ERBB4: variants seen among roughly 807,000 people sequenced by gnomAD.
ERBB4 encodes receptor tyrosine-protein kinase erbB-4.
In ERBB4, 42 loss-of-function variants were observed where a neutral mutation model predicts 158.0. The ratio of observed to expected loss-of-function variants is 0.27; its 90% CI spans 0.21 to 0.34. The LOEUF (loss-of-function observed/expected upper bound fraction) is 0.34. ERBB4 is among the 10% of genes least tolerant of loss of function. ERBB4 has a pLI of 1.00. For synonymous variants in ERBB4, 583 were observed against 558.7 expected (o/e 1.04, Z -0.61); for missense variants, 1,333 against 1,624.1 (o/e 0.82, Z 3.08).
intron 12 of ERBB4, among the ~76,000 whole-genome samples, chr2:211,689,338 G>A (rs1351089541): frequency 1.3e-5 from 2 of 152,204 alleles, no homozygotes; most frequent in Middle Eastern, 3.4e-3. Flanking sequence ...TGGACTAAAG[G>A]TATGCACCAT....
chr2:212,080,695 C>A (rs58055384), intron 2 of ERBB4, among the ~76,000 whole-genome samples: 18,312 of 139,862 alleles, frequency 0.13, 1,433 homozygotes, highest in African/African-American at 0.22. Flanking sequence ...AAAAAAAAAA[C>A]CTCTTTATAT....
chr2:211,635,943 G>T (rs923934441), intron 16 of ERBB4, among the ~76,000 whole-genome samples: 2 of 151,858 alleles, frequency 1.3e-5, no homozygotes, highest in African/African-American at 4.8e-5. Context: ...TGGTATACTT[G>T]CAATTCATAG....
chr2:211,889,208 C>T (rs565735507), intron 3 of ERBB4, among the ~76,000 whole-genome samples: 1 of 144,338 alleles, frequency 6.9e-6, no homozygotes, highest in Admixed American at 6.7e-5. Context: ...ATCTGAGAAC[C>T]CGCAGACTGC....
chr2:211,725,707 T>C (rs973346900), intron 5 of ERBB4, among the ~76,000 whole-genome samples: 1 of 152,146 alleles, frequency 6.6e-6, no homozygotes, highest in Non-Finnish European at 1.5e-5. Flanking sequence ...ACAATGTGCA[T>C]AGTAAGGTCC....
chr2:211,416,878 C>CAAAATGTAACTG (rs2125394866), intron 25 of ERBB4, among the ~76,000 whole-genome samples: 1 of 151,286 alleles, frequency 6.6e-6, no homozygotes, highest in East Asian at 2.0e-4. Context: ...AAGTCTCTGC[C>CAAAATGTAACTG]AAAATGTAAC....
chr2:211,932,493 T>C (rs1263154454), intron 3 of ERBB4, among the ~76,000 whole-genome samples: 1 of 152,020 alleles, frequency 6.6e-6, no homozygotes, highest in African/African-American at 2.4e-5. Flanking sequence ...CAAAGGACAT[T>C]CCCTATTTCA....
At chr2:212,153,720 C>T (rs529346208) in intron 1 of ERBB4, among the ~76,000 whole-genome samples, 17 of 152,244 alleles carry the variant, frequency 1.1e-4, no homozygotes, top group African/African-American at 3.9e-4. Context: ...TATGCTACAA[C>T]CATGTGACAC....
intron 3 of ERBB4, among the ~76,000 whole-genome samples, chr2:211,884,715 C>T (rs2078749729): frequency 6.6e-6 from 1 of 152,114 alleles, no homozygotes; most frequent in Non-Finnish European, 1.5e-5. Flanking sequence ...CCCCATCTGT[C>T]CAATTTCATC....
At chr2:212,156,463 C>G (rs1180566738) in intron 1 of ERBB4, among the ~76,000 whole-genome samples, 1 of 152,090 alleles carries the variant, frequency 6.6e-6, no homozygotes. Context: ...TCAGTCAGCA[C>G]AGACATCAAA....
At chr2:212,370,141 G>C (rs1055085291) in intron 1 of ERBB4, among the ~76,000 whole-genome samples, 2 of 151,990 alleles carry the variant, frequency 1.3e-5, no homozygotes, top group African/African-American at 4.8e-5. Context: ...GAATCATGGG[G>C]GTGGTTTCCT....
chr2:212,486,233 A>G (rs908021990), intron 1 of ERBB4, among the ~76,000 whole-genome samples: 7 of 152,178 alleles, frequency 4.6e-5, no homozygotes, highest in Non-Finnish European at 7.3e-5. Context: ...CTGGGGGTGT[A>G]TAACTTGGTA....
chr2:212,296,469 C>T (rs1204956980), intron 1 of ERBB4, among the ~76,000 whole-genome samples: 1 of 151,774 alleles, frequency 6.6e-6, no homozygotes. Flanking sequence ...ATGTAAAGAA[C>T]TATTTCAAGG....
intron 1 of ERBB4, among the ~76,000 whole-genome samples, chr2:212,193,554 C>T (rs749413875): frequency 6.6e-6 from 1 of 151,644 alleles, no homozygotes; most frequent in Non-Finnish European, 1.5e-5. Context: ...TTTACTAGTA[C>T]ATTAAACCAA....
intron 19 of ERBB4, among the ~76,000 whole-genome samples, chr2:211,570,511 T>C (rs1434894950): frequency 7.5e-6 from 1 of 132,506 alleles, no homozygotes; most frequent in African/African-American, 2.7e-5. Context: ...ACACTTACTA[T>C]GGCTTCTATC....
At chr2:212,210,463 C>A (rs1317925650) in intron 1 of ERBB4, among the ~76,000 whole-genome samples, 2 of 152,210 alleles carry the variant, frequency 1.3e-5, no homozygotes, top group East Asian at 3.9e-4. Flanking sequence ...AAGAAATCCT[C>A]TGTCTCCTAT....
intron 2 of ERBB4, among the ~76,000 whole-genome samples, chr2:212,012,957 T>C (rs2076425002): frequency 6.6e-6 from 1 of 151,816 alleles, no homozygotes; most frequent in South Asian, 2.1e-4. Flanking sequence ...GTTGCCCAGG[T>C]TGGTCTCCAA....
intron 1 of ERBB4, among the ~76,000 whole-genome samples, chr2:212,222,600 C>T (rs2083330380): frequency 6.7e-6 from 1 of 149,448 alleles, no homozygotes; most frequent in Non-Finnish European, 1.5e-5. Flanking sequence ...GTTTTCATGA[C>T]ACCATATTCT....
intron 19 of ERBB4, among the ~76,000 whole-genome samples, chr2:211,588,706 A>T (rs1389553353): frequency 6.6e-6 from 1 of 152,078 alleles, no homozygotes; most frequent in Admixed American, 6.6e-5. Flanking sequence ...TGAAATTCTA[A>T]CCTGGCATTT....
intron 1 of ERBB4, among the ~76,000 whole-genome samples, chr2:212,240,946 A>C (rs765393987): frequency 1.3e-5 from 2 of 152,166 alleles, no homozygotes; most frequent in Non-Finnish European, 2.9e-5. Context: ...TAAGGAAATA[A>C]ATTTTTTCCT....
Sources: allele counts gnomAD v4.1 joint callset (sites outside exome capture counted in the v4.1 genomes callset), GRCh38; gene constraint gnomAD v4.1.1; transcripts MANE v1.5; gene names NCBI Gene and HGNC (gene_info 2026-07-23, HGNC 2026-07-21).